The following CCDC60 variants were observed in gnomAD, a reference collection of about 807,000 sequenced individuals.
The protein encoded by CCDC60 is coiled-coil domain-containing protein 60.
Under a neutral mutation model 63.5 loss-of-function variants are expected in CCDC60, and 54 were observed. The ratio of observed to expected loss-of-function variants is 0.85; its 90% CI spans 0.68 to 1.07. CCDC60 has a LOEUF of 1.07. Among genes scored for constraint, CCDC60 ranks in the 50% least tolerant of loss-of-function variants. CCDC60 has a pLI of 0.00. For synonymous variants in CCDC60, 206 were observed against 238.8 expected, an observed-to-expected ratio of 0.86 and a Z score of 1.27; for missense variants, 651 against 684.3, an observed-to-expected ratio of 0.95 and a Z score of 0.54.
At chr12:119,463,098 A>T (rs868224104) in intron 2 of CCDC60, among the ~76,000 whole-genome samples, 5 of 152,282 alleles carry the variant, frequency 3.3e-5, no homozygotes, top group Non-Finnish European at 7.4e-5. Flanking sequence ...TGCTGGGATT[A>T]CAAGCATGAG....
At chr12:119,537,119 C>G (rs1361090877) in intron 13 of CCDC60, among the ~76,000 whole-genome samples, 1 of 151,928 alleles carries the variant, frequency 6.6e-6, no homozygotes, top group Non-Finnish European at 1.5e-5. Context: ...TCTTTTTACT[C>G]TTTTCTCTAA....
At chr12:119,366,308 G>A (rs1264492530) in intron 1 of CCDC60, among the ~76,000 whole-genome samples, 2 of 152,232 alleles carry the variant, frequency 1.3e-5, no homozygotes, top group Non-Finnish European at 2.9e-5. Context: ...TTATGAATGA[G>A]GAATCAGAGT....
intron 6 of CCDC60, among the ~76,000 whole-genome samples, chr12:119,504,342 C>G (rs913584236): frequency 1.3e-5 from 2 of 152,154 alleles, no homozygotes; most frequent in Non-Finnish European, 2.9e-5. Context: ...GACACACACA[C>G]AGACAGTCTG....
intron 1 of CCDC60, among the ~76,000 whole-genome samples, chr12:119,352,504 C>T (rs1955666360): frequency 6.6e-6 from 1 of 152,176 alleles, no homozygotes; most frequent in East Asian, 1.9e-4. Context: ...TAAGATGTTG[C>T]ACTGCTAATG....
intron 5 of CCDC60, among the ~76,000 whole-genome samples, chr12:119,495,621 C>A (rs956294119): frequency 1.3e-5 from 2 of 152,144 alleles, no homozygotes; most frequent in African/African-American, 4.8e-5. Context: ...TTCTGAGCAG[C>A]ACTCATAATA....
chr12:119,394,691 T>C (rs1000492621), intron 1 of CCDC60, among the ~76,000 whole-genome samples: 1 of 152,226 alleles, frequency 6.6e-6, no homozygotes, highest in African/African-American at 2.4e-5. Context: ...CATGTCCTTT[T>C]TTGTCCTTGC....
At chr12:119,411,151 A>G (rs898941118) in intron 1 of CCDC60, among the ~76,000 whole-genome samples, 2 of 152,218 alleles carry the variant, frequency 1.3e-5, no homozygotes, top group Admixed American at 6.5e-5. Context: ...GGATAGTTGT[A>G]GAGAAACGTG....
Position 119,432,891 on chromosome 12 carries a change from T to C in CCDC60, c.170+4129T>C, listed in dbSNP as rs553958082. On this transcript the variant is annotated intron_variant, in intron 2 of 13. Coordinates refer to ENST00000327554, the MANE Select transcript of CCDC60 (RefSeq NM_178499.5). ...TAAATAAATTCTATTAAAGCACAGG[T>C]AATAAATACTTAGAACTCATACCTT... Among the ~76,000 whole-genome samples the C allele has an allele frequency of 6.6e-5, 10 of 152,358 alleles. No individual in the cohort carries two copies. In the South Asian group the frequency reaches 1.4e-3, roughly 22 times the overall value.
At chr12:119,490,098 A>T (rs961522651) in intron 5 of CCDC60, among the ~76,000 whole-genome samples, 4 of 152,106 alleles carry the variant, frequency 2.6e-5, no homozygotes, top group African/African-American at 4.8e-5. Flanking sequence ...GCCCGGCCAA[A>T]CGTTAAGTCT....
Position 119,531,458 on chromosome 12 carries a change from T to C in CCDC60, c.1551+395T>C, listed in dbSNP as rs1011536029. ...TTATATTTTAATGGGATTCCAGGTG[T>C]CTTGTATGCACAATACAGTTTGAGA... On this transcript the variant is annotated intron_variant, in intron 13 of 13. Transcript: ENST00000327554. Among the ~76,000 whole-genome samples the C allele has an allele frequency of 2.4e-4, 36 of 152,228 alleles. 2 individuals carry two copies. The highest frequency in any genetic ancestry group is 2.3e-3 in the Admixed American group (35 of 15,288).
chr12:119,478,370 A>C (rs1018550156), intron 3 of CCDC60, among the ~76,000 whole-genome samples: 36 of 151,100 alleles, frequency 2.4e-4, no homozygotes, highest in Admixed American at 1.8e-3. Flanking sequence ...ACCCCCCCCC[A>C]AAAAAAATCC....
chr12:119,536,459 G>A (rs544083433), intron 13 of CCDC60, among the ~76,000 whole-genome samples: 2 of 152,288 alleles, frequency 1.3e-5, no homozygotes, highest in Admixed American at 1.3e-4. Context: ...CCGTCATTAT[G>A]ATGTTAGCTG....
rs564734869 is a variant in CCDC60, at chr12:119,404,528, T to A, written c.91-24155T>A. ...TCTGAGCTGGGACCCCCAGAGGGGC[T>A]CAGGAAGACCTTTTTGAATGGAGAA... is the stretch of plus-strand genomic sequence containing the variant. On this transcript the variant is annotated intron_variant, in intron 1 of 13. Coordinates refer to ENST00000327554, the MANE Select transcript of CCDC60 (RefSeq NM_178499.5). Among the ~76,000 whole-genome samples the A allele has an allele frequency of 1.1e-3, 163 of 152,258 alleles. 1 individual carries two copies. Among genetic ancestry groups the A allele is most frequent in the African/African-American group, 3.8e-3 (158 of 41,540 alleles).
At chr12:119,427,943 C>T (rs1278187438) in intron 1 of CCDC60, among the ~76,000 whole-genome samples, 2 of 152,124 alleles carry the variant, frequency 1.3e-5, no homozygotes, top group Admixed American at 1.3e-4. Flanking sequence ...CTGCAGTGAG[C>T]TGCACTCCAG....
At chr12:119,416,909 C>T (rs7132771) in intron 1 of CCDC60, among the ~76,000 whole-genome samples, 92,259 of 151,814 alleles carry the variant, frequency 0.61, 28,340 homozygotes, top group South Asian at 0.69. Context: ...TCACCTGAGG[C>T]CAGGAGTTTG....
intron 3 of CCDC60, among the ~76,000 whole-genome samples, chr12:119,474,892 G>T (rs995445098): frequency 5.9e-5 from 9 of 152,068 alleles, no homozygotes; most frequent in African/African-American, 2.2e-4. Context: ...GTAGAACAAG[G>T]GTTCTTGTCT....
At chr12:119,499,568 G>A (rs1951797904) in intron 5 of CCDC60, among the ~76,000 whole-genome samples, 2 of 152,160 alleles carry the variant, frequency 1.3e-5, no homozygotes, top group South Asian at 4.1e-4. Context: ...TGCACACAGT[G>A]TCGTAGAGAA....
At chr12:119,338,197 G>T (rs754247698) in intron 1 of CCDC60, among the ~76,000 whole-genome samples, 7 of 152,094 alleles carry the variant, frequency 4.6e-5, no homozygotes, top group African/African-American at 7.2e-5. Flanking sequence ...AGGTTTTAGA[G>T]TTATAGTAAA....
intron 1 of CCDC60, among the ~76,000 whole-genome samples, chr12:119,423,417 C>T (rs1738197997): frequency 6.6e-6 from 1 of 152,104 alleles, no homozygotes; most frequent in South Asian, 2.1e-4. Flanking sequence ...ATTTCCTGCT[C>T]CCACCGGGGG....
Sources: allele counts gnomAD v4.1 joint callset (sites outside exome capture counted in the v4.1 genomes callset), GRCh38; gene constraint gnomAD v4.1.1; transcripts MANE v1.5; gene names NCBI Gene and HGNC (gene_info 2026-07-23, HGNC 2026-07-21).